The following FGG variants were observed in gnomAD, a reference collection of about 807,000 sequenced individuals.
FGG encodes fibrinogen, gamma polypeptide.
A neutral mutation model predicts 51.7 loss-of-function variants in FGG; 20 were observed. That is an observed-to-expected ratio of 0.39 (90% confidence interval 0.27 to 0.56). The LOEUF is 0.56. Among genes scored for constraint, FGG ranks in the 20% least tolerant of loss-of-function variants. FGG has a pLI of 0.64. For missense variants in FGG, 460 were observed against 534.2 expected (o/e 0.86, Z 1.37); for synonymous variants, 184 against 184.7 (o/e 1.00, Z 0.03).
chr4:154,609,514 A>T (rs748443151), intron 6 of FGG, 116 bp downstream of exon 6: 30 of 1,237,748 alleles, frequency 2.4e-5, no homozygotes, highest in Non-Finnish European at 3.1e-5. Context: ...CCTTCCTCTT[A>T]GGGCTATTGC....
rs769917914 is a variant in FGG at position 154,606,817 on chromosome 4, A to G, written c.1017T>C (p.Ser339=). Residue 339 remains serine (S), a synonymous_variant, in exon 8 of 9, where the codon AGT becomes AGC. Transcript: ENST00000336098. ...ACTTATCATTGTCATTGTCCCAGGT[A>G]CTGAACTGCATGCCATTATGGGATG... ...FFTSHNGMQF[S]TWDNDNDKFE... The G allele has an allele frequency of 2.5e-5, 41 of 1,613,858 alleles. No homozygotes were observed. The highest frequency in any genetic ancestry group is 3.4e-5 in the Non-Finnish European group (40 of 1,179,906).
intron 7 of FGG, among the ~76,000 whole-genome samples, chr4:154,607,236 G>C (rs181535955): frequency 1.3e-5 from 2 of 152,248 alleles, no homozygotes; most frequent in East Asian, 1.9e-4. Context: ...GCACTCACTT[G>C]GATGCTTTTT....
intron 7 of FGG, among the ~76,000 whole-genome samples, 190 bp from the exon 8 acceptor site, chr4:154,607,172 C>T (rs1354625172): frequency 1.3e-5 from 2 of 152,196 alleles, no homozygotes; most frequent in African/African-American, 4.8e-5. Context: ...AGCTCATTAA[C>T]ACTTCCCGGG....
chr4:154,612,257 A>C (rs1731231463), intron 2 of FGG, 56 bp from the exon 3 acceptor site: 1 of 1,593,932 alleles, frequency 6.3e-7, no homozygotes, highest in South Asian at 1.1e-5. Context: ...AAAATCTATT[A>C]AGAAAAATAG....
rs1368342954 is a variant in FGG, at chr4:154,612,406, G to T, written c.108C>A (p.Ile36=). 3 of 1,613,620 alleles carry T rather than the reference G, an allele frequency of 1.9e-6. No individual in the cohort carries two copies. Among genetic ancestry groups the T allele is most frequent in the Non-Finnish European group, 2.5e-6 (3 of 1,179,890 alleles). Residue 36 remains isoleucine, a synonymous_variant, in exon 2 of 9, where the codon ATC becomes ATA. Transcript: ENST00000336098. ...AACTACTTACGAATCTTTCATCTAAGATGCAGCAGTTGTCTCTGGTAGCAA... is the reference window on the plus strand; with the variant it reads ...AACTACTTACGAATCTTTCATCTAATATGCAGCAGTTGTCTCTGGTAGCAA... The part of the protein sequence containing the change: ...AYVATRDNCC[I]LDERFGSYCP...
At chr4:154,610,294 A>G in intron 4 of FGG, 97 bp from the exon 5 acceptor site, 1 of 956,842 alleles carries the variant, frequency 1.0e-6, no homozygotes, top group Non-Finnish European at 1.6e-6. Flanking sequence ...ACTGCTAAGT[A>G]TTTTCTTAAG....
At chr4:154,611,494 A>G (rs965842987) in intron 4 of FGG, 10 of 190,732 alleles carry the variant, frequency 5.2e-5, no homozygotes, top group Admixed American at 2.4e-4. Flanking sequence ...CCAAATTCCT[A>G]TGAGATTGAT....
In FGG at chr4:154,608,497, C is replaced by T. The variant is rs780717104; in HGVS notation, c.820G>A (p.Val274Met). 2 of 1,613,672 alleles carry T rather than the reference C, an allele frequency of 1.2e-6. No individual in the cohort carries two copies. Among genetic ancestry groups the T allele is most frequent in the Admixed American group, 3.3e-5 (2 of 59,936 alleles). ...TQSAIPYALR[V>M]ELEDWNGRTS... ...CTGCCATTCCAGTCTTCCAGTTCCACTCTTAATGCATATGGGATGGCAGAC... is the reference window on the plus strand; with the variant it reads ...CTGCCATTCCAGTCTTCCAGTTCCATTCTTAATGCATATGGGATGGCAGAC... The change falls in exon 7 of 9, where the codon GTG (valine) becomes ATG (methionine). Residue 274 changes from valine to methionine, a missense_variant. Coordinates refer to ENST00000336098, the MANE Select transcript of FGG (RefSeq NM_021870.3).
At chr4:154,611,710 G>A in intron 4 of FGG, 95 bp downstream of exon 4, 1 of 830,440 alleles carries the variant, frequency 1.2e-6, no homozygotes, top group South Asian at 1.6e-5. Flanking sequence ...ATTATAAATG[G>A]GGAAAACACA....
Position 154,604,844 on chromosome 4 carries a change from T to G in FGG, c.1352A>C (p.Asp451Ala). The G allele has an allele frequency of 6.2e-7, 1 of 1,614,040 alleles. No homozygotes were observed. Among genetic ancestry groups the G allele is most frequent in the Non-Finnish European group, 8.5e-7 (1 of 1,179,944 alleles). Residue 451 changes from aspartate (D) to alanine (A), a missense_variant, in exon 9 of 9, where the codon GAT (aspartate) becomes GCT (alanine). Coordinates refer to ENST00000336098, the MANE Select transcript of FGG (RefSeq NM_021870.3). ...TTAGCAGTTAATTTTCTACAAATCA[T>G]CCTCAGGGTAAAGTGAGTCATATTC... is the stretch of plus-strand genomic sequence containing the variant. ...ETEYDSLYPE[D>A]DL
chr4:154,612,333 C>A, intron 2 of FGG, 58 bp downstream of exon 2: 1 of 1,592,408 alleles, frequency 6.3e-7, no homozygotes, highest in Non-Finnish European at 8.6e-7. Flanking sequence ...GGAATTATTT[C>A]TATTCCTCTG....
Position 154,604,568 on chromosome 4 carries a change from C to A in FGG, c.*266G>T. 2 of 1,161,678 alleles carry A rather than the reference C, an allele frequency of 1.7e-6. No homozygotes were observed. Among genetic ancestry groups the A allele is most frequent in the South Asian group, 2.2e-5 (1 of 44,866 alleles). The allele number at this position is 1,161,678 out of a possible 1,614,324, so 72.0% of individuals were successfully genotyped here. ...GAAGACAAAATAAATGACAAGTGGT[C>A]ATAAAAATGCAAATAAAGTCAATCA... On this transcript the variant is annotated 3_prime_UTR_variant, in exon 9 of 9. Coordinates refer to ENST00000336098, the MANE Select transcript of FGG (RefSeq NM_021870.3).
chr4:154,611,063 T>A (rs1298634218), intron 4 of FGG, among the ~76,000 whole-genome samples: 1 of 152,000 alleles, frequency 6.6e-6, no homozygotes, highest in African/African-American at 2.4e-5. Flanking sequence ...ATAATAACAA[T>A]AATAACAAGG....
In FGG at chr4:154,606,801, T is replaced by G; in HGVS notation, c.1033A>C (p.Asn345His). ...GMQFSTWDND[N>H]DKFEGNCAEQ... ...GCACAGTTGCCTTCAAACTTATCATTGTCATTGTCCCAGGTACTGAACTGC... is the reference window on the plus strand; with the variant it reads ...GCACAGTTGCCTTCAAACTTATCATGGTCATTGTCCCAGGTACTGAACTGC... The change falls in exon 8 of 9, where the codon AAT (asparagine) becomes CAT (histidine). Residue 345 changes from asparagine (N) to histidine (H), a missense_variant. By Grantham distance (68) the Asn-to-His change is moderately conservative (BLOSUM62 1). This residue lies in a region of FGG where 15 missense variants were observed against 48.8 expected (regional missense o/e 0.31). Coordinates refer to ENST00000336098, the MANE Select transcript of FGG (RefSeq NM_021870.3). 6.2e-7 allele frequency: 1 copy of G among 1,613,984 alleles called. No individual in the cohort carries two copies. The highest frequency in any genetic ancestry group is 1.1e-5 in the South Asian group (1 of 91,072).
intron 8 of FGG, 99 bp from the exon 9 acceptor site, chr4:154,605,165 A>G (rs1731075960): frequency 1.7e-6 from 2 of 1,182,266 alleles, no homozygotes; most frequent in Non-Finnish European, 2.5e-6. Context: ...TGCCAGTTAC[A>G]TAAAATTTAT....
intron 4 of FGG, 149 bp from the exon 5 acceptor site, chr4:154,610,346 A>G (rs2110847891): frequency 1.6e-6 from 1 of 624,650 alleles, no homozygotes; most frequent in Admixed American, 3.0e-5. Flanking sequence ...AGGAAAATGT[A>G]AAATTATATT....
chr4:154,606,601 C>T (rs1447104990), intron 8 of FGG, 104 bp downstream of exon 8: 34 of 1,279,524 alleles, frequency 2.7e-5, no homozygotes, highest in Non-Finnish European at 3.7e-5. Flanking sequence ...AAAATCCCTA[C>T]TATCTTTATA....
chr4:154,609,813 T>C, intron 5 of FGG, 50 bp from the exon 6 acceptor site: 2 of 1,613,634 alleles, frequency 1.2e-6, no homozygotes, highest in East Asian at 4.5e-5. Context: ...CAGGTAAGAC[T>C]GTGCCAGCCT....
chr4:154,605,097 A>T (rs775194529), intron 8 of FGG, 31 bp from the exon 9 acceptor site: 9 of 1,613,392 alleles, frequency 5.6e-6, no homozygotes, highest in East Asian at 4.5e-5. Context: ...ACATATCATT[A>T]TTCTGGAATC....
Sources: gnomAD v4.1 joint callset for allele counts (sites outside exome capture counted in the v4.1 genomes callset) on GRCh38, gnomAD v4.1.1 for gene constraint, gnomAD v4.1.1 regional missense constraint, MANE v1.5 for transcripts, NCBI Gene and HGNC (gene_info 2026-07-23, HGNC 2026-07-21) for gene names.